FAM161B: variants seen among roughly 807,000 people sequenced by gnomAD.
The protein encoded by FAM161B is FAM161 centrosomal protein B, also known as protein FAM161B.
In FAM161B, 46 loss-of-function variants were observed where a neutral mutation model predicts 61.5. The ratio of observed to expected loss-of-function variants is 0.75; its 90% CI spans 0.59 to 0.96. The LOEUF (loss-of-function observed/expected upper bound fraction) is 0.96. FAM161B is among the 40% of genes least tolerant of loss of function. FAM161B has a pLI of 0.00. For synonymous variants in FAM161B, 284 were observed against 302.7 expected (o/e 0.94, Z 0.64); for missense variants, 774 against 800.7 (o/e 0.97, Z 0.40).
chr14:73,938,525 C>A (rs2055990306), intron 5 of FAM161B, among the ~76,000 whole-genome samples: 1 of 151,884 alleles, frequency 6.6e-6, no homozygotes, highest in Non-Finnish European at 1.5e-5. Context: ...GTAATCCCAG[C>A]ACTTTGGGAG....
intron 1 of FAM161B, among the ~76,000 whole-genome samples, chr14:73,947,276 TG>T (rs2056074932): frequency 6.8e-6 from 1 of 147,180 alleles, no homozygotes; most frequent in Non-Finnish European, 1.5e-5. Context: ...TCTCAGCTAC[TG>T]GGGAGGCTGA....
the FAM161B span, among the ~76,000 whole-genome samples, chr14:73,924,090 A>C: frequency 6.6e-6 from 1 of 152,206 alleles, no homozygotes; most frequent in Non-Finnish European, 1.5e-5. Flanking sequence ...CCAAATGGGC[A>C]TATACAGATT....
rs372718571 is a variant in FAM161B at position 73,944,411 on chromosome 14, G to T, written c.849C>A (p.Ala283=). Residue 283 remains alanine, a synonymous_variant, in exon 3 of 9, where the codon GCC becomes GCA. Coordinates refer to ENST00000286544, the MANE Select transcript of FAM161B (RefSeq NM_152445.3). Reference sequence around the variant, plus strand: ...TGGTGGCCTTCTGCTTGGAGATCTTGGCTTCAGCTGTGGCTGCCAAGTCTC... The same window carrying T: ...TGGTGGCCTTCTGCTTGGAGATCTTTGCTTCAGCTGTGGCTGCCAAGTCTC... The part of the protein sequence containing the change: ...RQRDLAATAE[A]KISKQKATRR... The T allele has an allele frequency of 1.2e-6, 2 of 1,611,812 alleles. No individual in the cohort carries two copies. The highest frequency in any genetic ancestry group is 1.7e-6 in the Non-Finnish European group (2 of 1,178,144).
At chr14:73,944,107 C>T (rs762149119) in intron 3 of FAM161B, among the ~76,000 whole-genome samples, 14 of 152,194 alleles carry the variant, frequency 9.2e-5, no homozygotes, top group Admixed American at 4.6e-4. Flanking sequence ...GTCAACAGGA[C>T]GAGCCTTGGG....
chr14:73,946,533 T>C lies in FAM161B; in HGVS notation c.127A>G (p.Arg43Gly). The C allele has an allele frequency of 6.2e-7, 1 of 1,614,204 alleles. No homozygotes were observed. The highest frequency in any genetic ancestry group is 8.5e-7 in the Non-Finnish European group (1 of 1,180,034). The change falls in exon 2 of 9, where the codon AGG (arginine) becomes GGG (glycine). Residue 43 changes from arginine (R) to glycine (G), a missense_variant. Transcript: ENST00000286544. The stretch of plus-strand genomic sequence containing the variant: ...AGGAACTCGTCAAGTTTGCTGGCCC[T>C]GGGCAAAACCAGCCCATCCCCGGAC... ...ELSGDGLVLPRASKLDEFLSP... is the reference protein window; with the variant it reads ...ELSGDGLVLPGASKLDEFLSP...
At chr14:73,941,075 A>G (rs756272650) in intron 4 of FAM161B, 22 bp from the exon 5 acceptor site, 54 of 1,297,316 alleles carry the variant, frequency 4.2e-5, no homozygotes, top group Non-Finnish European at 5.5e-5. Flanking sequence ...AAAGGTTGGT[A>G]TTGGTGGGAC....
In FAM161B at chr14:73,942,734, G is replaced by A; in HGVS notation, c.926-19C>T. 6.2e-7 allele frequency: 1 copy of A among 1,603,052 alleles called. No homozygotes were observed. The highest frequency in any genetic ancestry group is 8.5e-7 in the Non-Finnish European group (1 of 1,172,504). The stretch of plus-strand genomic sequence containing the variant: ...TCAGCTTCTGTGGAGAAAGGATGGT[G>A]ATGGGTAAGAAAGGACCAAGCAAGA... On this transcript the variant is annotated intron_variant, in intron 3 of 8. Coordinates refer to ENST00000286544, the MANE Select transcript of FAM161B (RefSeq NM_152445.3).
At chr14:73,942,341 A>C (rs1210807988) in intron 4 of FAM161B, 28 bp downstream of exon 4, 1 of 1,604,466 alleles carries the variant, frequency 6.2e-7, no homozygotes, top group Non-Finnish European at 8.5e-7. Context: ...CGCAGCCCTG[A>C]CCCTCCCACA....
At chr14:73,931,572 C>G (rs2055916170), downstream of FAM161B, 17 of 1,605,538 alleles carry the variant, frequency 1.1e-5, no homozygotes, top group African/African-American at 1.3e-5. Flanking sequence ...AAGAGCAACT[C>G]TATCTGATCT....
chr14:73,946,702 G>T, intron 1 of FAM161B, 97 bp from the exon 2 acceptor site: 1 of 1,296,584 alleles, frequency 7.7e-7, no homozygotes, highest in Non-Finnish European at 1.0e-6. Flanking sequence ...CTGTATATTA[G>T]GGACTGGGGA....
the FAM161B span, among the ~76,000 whole-genome samples, chr14:73,924,239 A>G: frequency 6.6e-6 from 1 of 152,232 alleles, no homozygotes; most frequent in South Asian, 2.1e-4. Flanking sequence ...AGATCCCTCA[A>G]ATACACAGTT....
At chr14:73,934,453 A>T (rs2055954060) in intron 8 of FAM161B, 59 bp from the exon 9 acceptor site, 4 of 1,521,452 alleles carry the variant, frequency 2.6e-6, no homozygotes, top group Non-Finnish European at 2.7e-6. Flanking sequence ...ACAGGGTCTC[A>T]CTCTCACCCA....
rs1379043906 is a variant in FAM161B at position 73,944,790 on chromosome 14, G to T, written c.470C>A (p.Ser157Tyr). The T allele has an allele frequency of 1.3e-6, 2 of 1,583,556 alleles. No individual in the cohort carries two copies. Among genetic ancestry groups the T allele is most frequent in the East Asian group, 2.2e-5 (1 of 44,500 alleles). ...TQPPSGSRPP[S>Y]QHRSVSSWAS... ...CCAGGAGCTGACGCTTCTGTGCTGG[G>T]AGGGAGGCCGGGAGCCTGAGGGTGG... is the stretch of plus-strand genomic sequence containing the variant. The change falls in exon 3 of 9, where the codon TCC (serine) becomes TAC (tyrosine). Residue 157 changes from serine to tyrosine, a missense_variant. Physicochemically the swap from Ser to Tyr is moderately radical, Grantham distance 144. Coordinates refer to ENST00000286544, the MANE Select transcript of FAM161B (RefSeq NM_152445.3).
At chr14:73,925,376 CGTCGAA>C in the FAM161B span, among the ~76,000 whole-genome samples, 1 of 151,292 alleles carries the variant, frequency 6.6e-6, no homozygotes, top group African/African-American at 2.4e-5. Flanking sequence ...GATAAACCCA[CGTCGAA>C]GTCGAAGTTA....
chr14:73,939,505 G>T (rs1262867630), intron 5 of FAM161B, among the ~76,000 whole-genome samples: 1 of 152,150 alleles, frequency 6.6e-6, no homozygotes, highest in Non-Finnish European at 1.5e-5. Flanking sequence ...AGGCTCAAAG[G>T]AGGTAAGCCC....
chr14:73,935,538 A>G (rs1383921537), intron 8 of FAM161B, among the ~76,000 whole-genome samples: 1 of 105,716 alleles, frequency 9.5e-6, no homozygotes, highest in East Asian at 2.7e-4. Context: ...CAAAAAAAAA[A>G]TACAAAAAAT....
At chr14:73,932,024 T>G, downstream of FAM161B, 1 of 456,508 alleles carries the variant, frequency 2.2e-6, no homozygotes, top group Non-Finnish European at 4.4e-6. Flanking sequence ...TCTTGTTACA[T>G]TCTCCCTTTA....
chr14:73,947,080 G>C (rs2056073418), intron 1 of FAM161B, among the ~76,000 whole-genome samples: 1 of 152,014 alleles, frequency 6.6e-6, no homozygotes, highest in East Asian at 1.9e-4. Context: ...TAGCTAATTT[G>C]CACTCTGTCA....
chr14:73,940,923 C>T lies in FAM161B; in HGVS notation c.1400+3G>A. The stretch of plus-strand genomic sequence containing the variant: ...ATGGGTCTCGTGCAGCCTGACCACT[C>T]ACCTGACTGCAGATTCCCTCTTCCT... On this transcript the variant is annotated splice_donor_region_variant and intron_variant, in intron 5 of 8. Transcript: ENST00000286544. The T allele has an allele frequency of 6.2e-7, 1 of 1,608,444 alleles. No individual in the cohort carries two copies. The highest frequency in any genetic ancestry group is 8.5e-7 in the Non-Finnish European group (1 of 1,177,530).
Sources: allele counts gnomAD v4.1 joint callset (sites outside exome capture counted in the v4.1 genomes callset), GRCh38; gene constraint gnomAD v4.1.1; transcripts MANE v1.5; gene names NCBI Gene and HGNC (gene_info 2026-07-23, HGNC 2026-07-21).